EVC2: variants seen among roughly 807,000 people sequenced by gnomAD.
EVC2 encodes EvC ciliary complex subunit 2.
EVC2 carries 148 observed loss-of-function variants against 149.3 expected under a neutral mutation model. That is an observed-to-expected ratio of 0.99 (90% CI 0.87 to 1.14). EVC2 has a LOEUF of 1.14. Ranked by LOEUF, EVC2 falls within the 50% of genes most tolerant of loss-of-function variation. The pLI, the probability that EVC2 is intolerant of heterozygous loss-of-function variation, is 0.00. For missense variants in EVC2, 1,854 were observed against 1,627.3 expected (o/e 1.14, Z -2.40); for synonymous variants, 776 against 649.9 (o/e 1.19, Z -2.95).
rs777069902 is a variant in EVC2 at position 5,615,566 on chromosome 4, C to T, written c.2707-22G>A. 2.2e-5 allele frequency: 36 copies of T among 1,613,950 alleles called. No individual in the cohort carries two copies. In the Middle Eastern group the frequency reaches 8.2e-4, roughly 37 times the overall value. ...GTTGCTGGAGAGGGGTTGGGGAAGA[C>T]GTGGGTAAGAAGGCAATCACCAGCA... On this transcript the variant is annotated intron_variant, in intron 15 of 21. Coordinates refer to ENST00000344408, the MANE Select transcript of EVC2 (RefSeq NM_147127.5).
intron 9 of EVC2, among the ~76,000 whole-genome samples, chr4:5,656,020 G>T (rs1404852785): frequency 6.6e-6 from 1 of 152,182 alleles, no homozygotes; most frequent in Non-Finnish European, 1.5e-5. Flanking sequence ...GGGGGAGGTA[G>T]GCAAGCTGCA....
Position 5,618,398 on chromosome 4 carries a change from G to T in EVC2, c.2706+80C>A. ...ATGAGGTGAGATGGGCTCAGGCTGG[G>T]GAAGAGGCCAGACCCTGTAGGGCCA... On this transcript the variant is annotated intron_variant, in intron 15 of 21. Transcript: ENST00000344408. This position sits in a 1 kb window ranked among gnomAD's most constrained non-coding sequence, Gnocchi z 4.4. 2 of 1,537,168 alleles carry T rather than the reference G, an allele frequency of 1.3e-6. No individual in the cohort carries two copies.
chr4:5,534,918 T>C, the EVC2 span, among the ~76,000 whole-genome samples: 1 of 149,524 alleles, frequency 6.7e-6, no homozygotes, highest in South Asian at 2.2e-4. Flanking sequence ...CTCTATTTTC[T>C]AGGGAAAACA....
At chr4:5,620,231 T>C (rs1197083308) in intron 14 of EVC2, among the ~76,000 whole-genome samples, 1 of 152,196 alleles carries the variant, frequency 6.6e-6, no homozygotes, top group Non-Finnish European at 1.5e-5. Flanking sequence ...TTTGCCCCGC[T>C]GTTTGCTGAT....
At chr4:5,538,557 G>A (rs547079109), downstream of EVC2, among the ~76,000 whole-genome samples, 79 of 152,070 alleles carry the variant, frequency 5.2e-4, no homozygotes, top group South Asian at 0.015. Context: ...GAACTTAGAC[G>A]CAAAATTCTT....
intron 18 of EVC2, among the ~76,000 whole-genome samples, chr4:5,575,808 A>T (rs1190999189): frequency 6.6e-6 from 1 of 152,242 alleles, no homozygotes; most frequent in Non-Finnish European, 1.5e-5. Flanking sequence ...ATAATTTTAC[A>T]AAAGCAGGAT....
At position 5,624,346 on chromosome 4, in the gene EVC2, C is replaced by A. The variant is rs551749286; in HGVS notation, c.2047-1355G>T. 3.3e-5 allele frequency among the ~76,000 whole-genome samples: 5 copies of A among 152,296 alleles called. No individual in the cohort carries two copies. In the South Asian group the frequency reaches 1.0e-3, roughly 32 times the overall value. On this transcript the variant is annotated intron_variant, in intron 13 of 21. Coordinates refer to ENST00000344408, the MANE Select transcript of EVC2 (RefSeq NM_147127.5). ...AACCATTATCATTAGTCACTCAAAC[C>A]AGCACTCCTATTCCCTTGCCCAGGC...
chr4:5,679,330 G>A lies in EVC2; in HGVS notation c.870+1930C>T, dbSNP rs530937476. On this transcript the variant is annotated intron_variant, in intron 7 of 21. Coordinates refer to ENST00000344408, the MANE Select transcript of EVC2 (RefSeq NM_147127.5). The surrounding 1 kb of genome is among the most constrained non-coding windows in gnomAD (Gnocchi z 5.1). ...GGCTCACTGCAACCTCCGCCTCCCA[G>A]GTTCAAGCAATTCGCATGTCTCAGT... Among the ~76,000 whole-genome samples, 7 of 152,218 alleles carry A rather than the reference G, an allele frequency of 4.6e-5. No individual in the cohort carries two copies. Among genetic ancestry groups the A allele is most frequent in the Admixed American group, 1.3e-4 (2 of 15,286 alleles).
chr4:5,616,693 C>T (rs1577162099), intron 15 of EVC2, among the ~76,000 whole-genome samples: 1 of 152,372 alleles, frequency 6.6e-6, no homozygotes, highest in East Asian at 1.9e-4. Flanking sequence ...ACCACCTTCT[C>T]TGCCGCTATC....
intron 16 of EVC2, among the ~76,000 whole-genome samples, chr4:5,609,548 G>C (rs1334412089): frequency 6.6e-6 from 1 of 152,144 alleles, no homozygotes; most frequent in African/African-American, 2.4e-5. Context: ...TGTGAGGCCT[G>C]GATCACGTAG....
chr4:5,622,604 C>A lies in EVC2; in HGVS notation c.2434G>T (p.Asp812Tyr). Residue 812 changes from aspartate (D) to tyrosine (Y), a missense_variant, in exon 14 of 22, where the codon GAT becomes TAT. By Grantham distance (160) the Asp-to-Tyr change is radical. Coordinates refer to ENST00000344408, the MANE Select transcript of EVC2 (RefSeq NM_147127.5). The surrounding 1 kb of genome is among the most constrained non-coding windows in gnomAD (Gnocchi z 5.8). ...TCTGTCACGGCCTCAGGAGCGTCAT[C>A]CTTCAGTCTCTGCCTCACGCTCTGG... ...GVQSVRQRLKDDAPEAVTEEQ... is the reference protein window; with the variant it reads ...GVQSVRQRLKYDAPEAVTEEQ... The A allele has an allele frequency of 1.9e-6, 3 of 1,614,008 alleles. No homozygotes were observed. Among genetic ancestry groups the A allele is most frequent in the Non-Finnish European group, 2.5e-6 (3 of 1,179,998 alleles).
In EVC2 at chr4:5,562,777, C is replaced by A; in HGVS notation, c.*71G>T. 1 of 1,606,572 alleles carries A rather than the reference C, an allele frequency of 6.2e-7. No homozygotes were observed. The highest frequency in any genetic ancestry group is 8.5e-7 in the Non-Finnish European group (1 of 1,179,924). On this transcript the variant is annotated 3_prime_UTR_variant, in exon 22 of 22. Coordinates refer to ENST00000344408, the MANE Select transcript of EVC2 (RefSeq NM_147127.5). The surrounding 1 kb of genome is among the most constrained non-coding windows in gnomAD (Gnocchi z 4.3). ...ATTTGCGAGTTGTGCATTATAAACA[C>A]ACAAACACCGGCGGGCAGGAGAAAA...
intron 16 of EVC2, among the ~76,000 whole-genome samples, chr4:5,589,768 T>C (rs190156903): frequency 1.3e-5 from 2 of 152,320 alleles, no homozygotes; most frequent in Non-Finnish European, 1.5e-5. Flanking sequence ...GTAATTCTGA[T>C]ACTTTTTATT....
In EVC2 at chr4:5,615,548, G is replaced by C. The variant is rs1368840473; in HGVS notation, c.2707-4C>G. Reference sequence around the variant, plus strand: ...ACTTTCTCACCTTGGACTGTTGCTGGAGAGGGGTTGGGGAAGACGTGGGTA... The same window carrying C: ...ACTTTCTCACCTTGGACTGTTGCTGCAGAGGGGTTGGGGAAGACGTGGGTA... On this transcript the variant is annotated splice_region_variant and splice_polypyrimidine_tract_variant and intron_variant, in intron 15 of 21. Coordinates refer to ENST00000344408, the MANE Select transcript of EVC2 (RefSeq NM_147127.5). 1.2e-6 allele frequency: 2 copies of C among 1,614,168 alleles called. No homozygotes were observed. Among genetic ancestry groups the C allele is most frequent in the Non-Finnish European group, 8.5e-7 (1 of 1,180,018 alleles).
intron 21 of EVC2, among the ~76,000 whole-genome samples, chr4:5,550,660 A>G (rs1721719278): frequency 6.6e-6 from 1 of 152,254 alleles, no homozygotes; most frequent in South Asian, 2.1e-4. Flanking sequence ...AGAAATTTGC[A>G]TAAGTAATGA....
chr4:5,535,278 C>T, the EVC2 span, among the ~76,000 whole-genome samples: 1 of 152,268 alleles, frequency 6.6e-6, no homozygotes, highest in Non-Finnish European at 1.5e-5. This position sits in a 1 kb window ranked among gnomAD's most constrained non-coding sequence, Gnocchi z 4.7. Context: ...GTAACCTCTG[C>T]CGTAATCCAC....
chr4:5,581,000 C>T (rs1426755674), intron 17 of EVC2, among the ~76,000 whole-genome samples: 1 of 152,144 alleles, frequency 6.6e-6, no homozygotes, highest in Non-Finnish European at 1.5e-5. Context: ...TTGCTCCAGC[C>T]AAGTAAGATG....
At chr4:5,626,755 G>A (rs1716147812) in intron 12 of EVC2, among the ~76,000 whole-genome samples, 1 of 152,132 alleles carries the variant, frequency 6.6e-6, no homozygotes, top group Non-Finnish European at 1.5e-5. Flanking sequence ...AATATGCTGA[G>A]GTCCTGAATA....
chr4:5,704,451 T>C (rs1056719636), intron 1 of EVC2, among the ~76,000 whole-genome samples: 1 of 152,034 alleles, frequency 6.6e-6, no homozygotes, highest in Non-Finnish European at 1.5e-5. Flanking sequence ...GCATGAGTTG[T>C]GGAGTGCCTG....
Sources: gnomAD v4.1 joint callset for allele counts (sites outside exome capture counted in the v4.1 genomes callset) on GRCh38, gnomAD v4.1.1 for gene constraint, Gnocchi (gnomAD v3.1) non-coding constraint, MANE v1.5 for transcripts, NCBI Gene and HGNC (gene_info 2026-07-23, HGNC 2026-07-21) for gene names.